Variants in CTNNA3 observed in about 807,000 individuals in gnomAD.
The protein encoded by CTNNA3 is catenin alpha 3, also known as catenin alpha-3.
Under a neutral mutation model 95.7 loss-of-function variants are expected in CTNNA3, and 76 were observed. That is an observed-to-expected ratio of 0.79 (90% CI 0.66 to 0.96). The LOEUF (loss-of-function observed/expected upper bound fraction) is 0.96. CTNNA3 is among the 40% of genes least tolerant of loss of function. CTNNA3 has a pLI of 0.00. For missense variants in CTNNA3, 1,191 were observed against 1,089.8 expected (o/e 1.09, Z -1.31); for synonymous variants, 431 against 374.4 (o/e 1.15, Z -1.74).
At chr10:66,264,722 A>G (rs1184819706) in intron 13 of CTNNA3, among the ~76,000 whole-genome samples, 1 of 151,942 alleles carries the variant, frequency 6.6e-6, no homozygotes, top group Non-Finnish European at 1.5e-5. Context: ...GTATATGGCA[A>G]CATTACCTGT....
intron 5 of CTNNA3, among the ~76,000 whole-genome samples, chr10:67,367,467 G>C (rs1488111439): frequency 1.3e-5 from 2 of 152,002 alleles, no homozygotes; most frequent in Non-Finnish European, 2.9e-5. Flanking sequence ...AACTGTTTGT[G>C]GGAATGTCAA....
intron 11 of CTNNA3, among the ~76,000 whole-genome samples, chr10:66,484,381 T>C (rs965122220): frequency 2.0e-5 from 3 of 152,038 alleles, no homozygotes; most frequent in African/African-American, 7.2e-5. Flanking sequence ...GATAAGTGAA[T>C]GCATTGGTTT....
intron 7 of CTNNA3, among the ~76,000 whole-genome samples, chr10:66,909,645 C>A (rs1476451008): frequency 6.6e-6 from 1 of 152,282 alleles, no homozygotes; most frequent in South Asian, 2.1e-4. Context: ...AATCCATCTG[C>A]AACACTTGTT....
intron 15 of CTNNA3, among the ~76,000 whole-genome samples, chr10:66,005,751 G>C (rs972454389): frequency 1.3e-5 from 2 of 152,020 alleles, no homozygotes; most frequent in African/African-American, 2.4e-5. Flanking sequence ...GGGTAGATGA[G>C]AACATTTTTT....
At chr10:66,886,936 T>C (rs1845066622) in intron 7 of CTNNA3, among the ~76,000 whole-genome samples, 1 of 152,172 alleles carries the variant, frequency 6.6e-6, no homozygotes, top group South Asian at 2.1e-4. Context: ...TGAGGCCAAT[T>C]TGTTTGTCTT....
At chr10:67,093,764 A>G (rs1857806581) in intron 7 of CTNNA3, among the ~76,000 whole-genome samples, 1 of 152,006 alleles carries the variant, frequency 6.6e-6, no homozygotes, top group South Asian at 2.1e-4. Context: ...TGCAGATTTT[A>G]ATTTCTTATC....
chr10:67,220,229 C>T (rs1448552677), intron 5 of CTNNA3, among the ~76,000 whole-genome samples: 1 of 152,202 alleles, frequency 6.6e-6, no homozygotes, highest in Non-Finnish European at 1.5e-5. Context: ...ATGCTGATTA[C>T]CTCATTCCAT....
chr10:66,650,718 T>C (rs1845864265), intron 9 of CTNNA3, among the ~76,000 whole-genome samples: 1 of 152,070 alleles, frequency 6.6e-6, no homozygotes, highest in South Asian at 2.1e-4. Context: ...GTGTCACAGC[T>C]CTTAAAGGCG....
chr10:66,478,893 C>T (rs994127164), intron 11 of CTNNA3, among the ~76,000 whole-genome samples: 2 of 151,772 alleles, frequency 1.3e-5, no homozygotes, highest in Non-Finnish European at 2.9e-5. Context: ...TCTTGCTAAA[C>T]AGAATTTTTC....
At chr10:66,819,081 A>G (rs933307245) in intron 7 of CTNNA3, among the ~76,000 whole-genome samples, 11 of 149,692 alleles carry the variant, frequency 7.3e-5, no homozygotes, top group African/African-American at 2.7e-4. Context: ...AACAGAGGGA[A>G]ACTCTTGTCT....
intron 5 of CTNNA3, among the ~76,000 whole-genome samples, chr10:67,371,480 T>G (rs934788226): frequency 6.6e-6 from 1 of 151,216 alleles, no homozygotes; most frequent in Admixed American, 6.6e-5. Context: ...ACATGTGGTG[T>G]TTGGTTTTTT....
At chr10:66,308,211 C>T (rs1034946903) in intron 12 of CTNNA3, among the ~76,000 whole-genome samples, 2 of 152,070 alleles carry the variant, frequency 1.3e-5, no homozygotes, top group African/African-American at 4.8e-5. Context: ...AATAGCCAGG[C>T]CTTGAAGGTG....
chr10:65,997,624 G>A (rs1195212198), intron 15 of CTNNA3, among the ~76,000 whole-genome samples: 1 of 152,184 alleles, frequency 6.6e-6, no homozygotes, highest in Non-Finnish European at 1.5e-5. Context: ...GTACCGGAAA[G>A]TCAATGAGGC....
At chr10:67,726,432 C>CATATATAATATTATATACT (rs1491155133) in intron 1 of CTNNA3, among the ~76,000 whole-genome samples, 11 of 51,408 alleles carry the variant, frequency 2.1e-4, no homozygotes, top group Admixed American at 3.5e-4. Context: ...TATATTATAT[C>CATATATAATATTATATACT]ATATATAATA....
rs548420558 is a variant in CTNNA3, at chr10:66,359,399, T to C, written c.1732+19753A>G. 1.2e-4 allele frequency among the ~76,000 whole-genome samples: 18 copies of C among 152,314 alleles called. No homozygotes were observed. In the East Asian group the frequency reaches 3.1e-3, roughly 26 times the overall value. On this transcript the variant is annotated intron_variant, in intron 12 of 17. Transcript: ENST00000433211. ...ACTTGATTAGCCTCTCATTTCATAATGGTGGATAAGAAAAAGCTGGTGATC... is the reference window on the plus strand; with the variant it reads ...ACTTGATTAGCCTCTCATTTCATAACGGTGGATAAGAAAAAGCTGGTGATC...
At chr10:66,118,526 T>C (rs1454996748) in intron 13 of CTNNA3, among the ~76,000 whole-genome samples, 2 of 152,194 alleles carry the variant, frequency 1.3e-5, no homozygotes, top group Non-Finnish European at 2.9e-5. Flanking sequence ...CTGTCCTCTC[T>C]TTTGGAATAA....
intron 5 of CTNNA3, among the ~76,000 whole-genome samples, chr10:67,427,510 A>G (rs1463855264): frequency 6.6e-6 from 1 of 152,012 alleles, no homozygotes; most frequent in East Asian, 1.9e-4. Context: ...CAAAAAACTC[A>G]TATTACTGCC....
At chr10:66,612,606 C>G (rs1183065709) in intron 10 of CTNNA3, among the ~76,000 whole-genome samples, 1 of 152,080 alleles carries the variant, frequency 6.6e-6, no homozygotes, top group Non-Finnish European at 1.5e-5. Context: ...TCTGAGCTTT[C>G]TGGCCTCCCC....
intron 11 of CTNNA3, among the ~76,000 whole-genome samples, chr10:66,503,015 T>G (rs1840331345): frequency 6.6e-6 from 1 of 152,176 alleles, no homozygotes; most frequent in African/African-American, 2.4e-5. Context: ...TTATTTTGGT[T>G]AACTATATAG....
Sources: gnomAD v4.1 joint callset for allele counts (sites outside exome capture counted in the v4.1 genomes callset) on GRCh38, gnomAD v4.1.1 for gene constraint, MANE v1.5 for transcripts, NCBI Gene and HGNC (gene_info 2026-07-23, HGNC 2026-07-21) for gene names.